The following ARHGEF10L variants were observed in gnomAD, a reference collection of about 807,000 sequenced individuals.
ARHGEF10L encodes the protein Rho guanine nucleotide exchange factor 10 like.
A neutral mutation model predicts 141.2 loss-of-function variants in ARHGEF10L; 69 were observed. The ratio of observed to expected loss-of-function variants is 0.49; its 90% CI spans 0.40 to 0.60. ARHGEF10L has a LOEUF of 0.60. Ranked by LOEUF, ARHGEF10L falls within the 20% of genes least tolerant of loss-of-function variation. The pLI, the probability that ARHGEF10L is intolerant of heterozygous loss-of-function variation, is 0.00. For synonymous variants in ARHGEF10L, 711 were observed against 718.5 expected, an observed-to-expected ratio of 0.99 and a Z score of 0.17; for missense variants, 1,482 against 1,734.3, an observed-to-expected ratio of 0.85 and a Z score of 2.58.
In ARHGEF10L at chr1:17,619,424, A is replaced by C. The variant is rs1266012594; in HGVS notation, c.921A>C (p.Pro307=). ...CAGCCCCAGAGCTGGGCCCCATGCC[A>C]GAGGGCCTGAGCCCTCAGCAGGTCT... ...KPPAPELGPM[P]EGLSPQQVVR... Residue 307 remains proline, a synonymous_variant, in exon 10 of 29, where the codon CCA becomes CCC. Coordinates refer to ENST00000361221, the MANE Select transcript of ARHGEF10L (RefSeq NM_018125.4). This position sits in a 1 kb window ranked among gnomAD's most constrained non-coding sequence, Gnocchi z 5.0. 6.2e-7 allele frequency: 1 copy of C among 1,602,454 alleles called. No homozygotes were observed. The highest frequency in any genetic ancestry group is 1.7e-5 in the Admixed American group (1 of 59,358).
rs1447225078 is a variant in ARHGEF10L, at chr1:17,588,448, C to T, written c.226C>T (p.Pro76Ser). The change falls in exon 4 of 29, where the codon CCA becomes TCA. Residue 76 changes from proline to serine, a missense_variant and splice_region_variant. Pro to Ser is a moderately conservative substitution (Grantham distance 74, BLOSUM62 -1). This residue lies in a region of ARHGEF10L where 232 missense variants were observed against 225.9 expected (regional missense o/e 1.03). Coordinates refer to ENST00000361221, the MANE Select transcript of ARHGEF10L (RefSeq NM_018125.4). ...CTCTGTCTGCTCTTCTTTTGCAGAC[C>T]CAGACCCAGCAGCTGCTCCACCCGG... ...IHLDSIPVTD[P>S]DPAAAPPGTG... 1.9e-6 allele frequency: 3 copies of T among 1,613,782 alleles called. No individual in the cohort carries two copies. In the Admixed American group the frequency reaches 5.0e-5, roughly 27 times the overall value.
At chr1:17,620,205 CA>C (rs71575849) in intron 10 of ARHGEF10L, among the ~76,000 whole-genome samples, 250 of 117,434 alleles carry the variant, frequency 2.1e-3, no homozygotes, top group South Asian at 0.018. Flanking sequence ...GACTCTGTCT[CA>C]AAAAAAAAAA....
rs891231446 is a variant in ARHGEF10L, at chr1:17,558,876, G to A, written c.-44+18926G>A. Among the ~76,000 whole-genome samples the A allele has an allele frequency of 2.0e-5, 3 of 152,214 alleles. No individual in the cohort carries two copies. Among genetic ancestry groups the A allele is most frequent in the Non-Finnish European group, 4.4e-5 (3 of 68,038 alleles). ...CCACAGGCTCCCTGGGCTGGGCAGG[G>A]AGAATGGTGGGGAGGGCTGAGGGGC... On this transcript the variant is annotated intron_variant, in intron 1 of 28. Coordinates refer to ENST00000361221, the MANE Select transcript of ARHGEF10L (RefSeq NM_018125.4). This position sits in a 1 kb window ranked among gnomAD's most constrained non-coding sequence, Gnocchi z 4.2.
chr1:17,572,526 A>G (rs914706285), intron 1 of ARHGEF10L, among the ~76,000 whole-genome samples: 2 of 152,074 alleles, frequency 1.3e-5, no homozygotes, highest in African/African-American at 4.8e-5. Context: ...TTACTTACAA[A>G]GCTAAGTGAG....
chr1:17,670,400 G>A (rs905884336), intron 26 of ARHGEF10L, among the ~76,000 whole-genome samples: 8 of 152,254 alleles, frequency 5.3e-5, no homozygotes, highest in African/African-American at 1.7e-4. Context: ...TCAACACCGC[G>A]TCCTCCGCGT....
intron 27 of ARHGEF10L, 148 bp downstream of exon 27, chr1:17,687,895 G>A (rs1569743299): frequency 2.2e-6 from 2 of 913,060 alleles, no homozygotes; most frequent in Non-Finnish European, 3.2e-6. Flanking sequence ...AGGAAGTGGT[G>A]GGGTTGGGAT....
At chr1:17,589,962 A>T (rs1018006142) in intron 4 of ARHGEF10L, among the ~76,000 whole-genome samples, 1 of 151,992 alleles carries the variant, frequency 6.6e-6, no homozygotes, top group Non-Finnish European at 1.5e-5. Context: ...TCCATTCAGG[A>T]TGGCAGAGGG....
At chr1:17,535,283 T>C (rs1343570128), upstream of ARHGEF10L, among the ~76,000 whole-genome samples, 1 of 152,160 alleles carries the variant, frequency 6.6e-6, no homozygotes, top group African/African-American at 2.4e-5. Context: ...GCTGATCTGA[T>C]AGGAAGCAGA....
intron 1 of ARHGEF10L, among the ~76,000 whole-genome samples, chr1:17,574,734 G>C (rs114929345): frequency 1.2e-4 from 19 of 152,120 alleles, no homozygotes; most frequent in African/African-American, 3.9e-4. Flanking sequence ...TCCCCATCCC[G>C]GACTCTCCAC....
At chr1:17,527,537 C>G in the ARHGEF10L span, among the ~76,000 whole-genome samples, 2 of 152,178 alleles carry the variant, frequency 1.3e-5, no homozygotes, top group East Asian at 3.9e-4. Context: ...ACCCCTCACC[C>G]GGAGCCGATC....
chr1:17,526,239 G>T, the ARHGEF10L span, among the ~76,000 whole-genome samples: 1 of 152,162 alleles, frequency 6.6e-6, no homozygotes, highest in Non-Finnish European at 1.5e-5. Flanking sequence ...TGCAGGGGAG[G>T]TTCTTATTGC....
At chr1:17,575,049 A>G (rs1437014074) in intron 1 of ARHGEF10L, among the ~76,000 whole-genome samples, 3 of 152,128 alleles carry the variant, frequency 2.0e-5, no homozygotes, top group African/African-American at 4.8e-5. Context: ...CTTTGGTTCC[A>G]TGCTGGGTGG....
intron 27 of ARHGEF10L, among the ~76,000 whole-genome samples, chr1:17,690,820 G>C (rs922911196): frequency 6.6e-6 from 1 of 152,206 alleles, no homozygotes; most frequent in Non-Finnish European, 1.5e-5. Flanking sequence ...ACCAGAGCGT[G>C]GGGGGCAGCT....
Position 17,539,841 on chromosome 1 carries a change from T to C in ARHGEF10L, c.-153T>C, listed in dbSNP as rs1357851111. On this transcript the variant is annotated 5_prime_UTR_variant, in exon 1 of 29. Transcript: ENST00000361221. This position sits in a 1 kb window ranked among gnomAD's most constrained non-coding sequence, Gnocchi z 6.0. ...GGCGGCTGCGGCGGTGGGGGCGCCG[T>C]CCCGGCCATGGGCGCCCGCGGCGGC... The C allele has an allele frequency of 6.8e-6, 1 of 146,170 alleles. No homozygotes were observed. The highest frequency in any genetic ancestry group is 1.5e-5 in the Non-Finnish European group (1 of 65,792). The allele number at this position is 146,170 out of a possible 1,614,324, so 9.1% of individuals were successfully genotyped here.
chr1:17,605,518 C>G (rs999696489), intron 6 of ARHGEF10L, among the ~76,000 whole-genome samples: 2 of 152,212 alleles, frequency 1.3e-5, no homozygotes, highest in African/African-American at 4.8e-5. Flanking sequence ...AGTTCTGTGA[C>G]TCTGTCTCCA....
intron 9 of ARHGEF10L, chr1:17,618,232 G>C: frequency 8.0e-7 from 1 of 1,250,312 alleles, no homozygotes; most frequent in South Asian, 1.7e-5. Context: ...CCCAACCCCA[G>C]GCTGGCTAGG....
Position 17,656,165 on chromosome 1 carries a change from G to C in ARHGEF10L, c.2705+63G>C, listed in dbSNP as rs930873530. Reference sequence around the variant, plus strand: ...CAGGGCTGGGCAGTGGGTGGGGGCTGTCCCTGTAGCCTTCCGGATCTGCCT... The same window carrying C: ...CAGGGCTGGGCAGTGGGTGGGGGCTCTCCCTGTAGCCTTCCGGATCTGCCT... On this transcript the variant is annotated intron_variant, in intron 24 of 28. Coordinates refer to ENST00000361221, the MANE Select transcript of ARHGEF10L (RefSeq NM_018125.4). The surrounding 1 kb of genome is among the most constrained non-coding windows in gnomAD (Gnocchi z 4.9). 6.6e-7 allele frequency: 1 copy of C among 1,504,094 alleles called. No individual in the cohort carries two copies. The allele number at this position is 1,504,094 out of a possible 1,614,324, so 93.2% of individuals were successfully genotyped here.
intron 21 of ARHGEF10L, among the ~76,000 whole-genome samples, chr1:17,647,156 C>T (rs576866869): frequency 5.9e-5 from 9 of 152,262 alleles, no homozygotes; most frequent in Admixed American, 2.0e-4. Context: ...CATCAGCGGG[C>T]GCGGTTGCTG....
rs190830887 is a variant in ARHGEF10L, at chr1:17,578,102, C to T, written c.-43-2451C>T. ...TTTAAGGAGCAATTTGGACAGGAGGCTGGGCAAAGTGCCTCCCTTTTTCCT... is the reference window on the plus strand; with the variant it reads ...TTTAAGGAGCAATTTGGACAGGAGGTTGGGCAAAGTGCCTCCCTTTTTCCT... On this transcript the variant is annotated intron_variant, in intron 1 of 28. Coordinates refer to ENST00000361221, the MANE Select transcript of ARHGEF10L (RefSeq NM_018125.4). Among the ~76,000 whole-genome samples the T allele has an allele frequency of 3.9e-5, 6 of 152,276 alleles. No homozygotes were observed. In the East Asian group the frequency reaches 1.2e-3, roughly 29 times the overall value.
Sources: gnomAD v4.1 joint callset for allele counts (sites outside exome capture counted in the v4.1 genomes callset) on GRCh38, gnomAD v4.1.1 for gene constraint, gnomAD v4.1.1 regional missense constraint, Gnocchi (gnomAD v3.1) non-coding constraint, MANE v1.5 for transcripts, NCBI Gene and HGNC (gene_info 2026-07-23, HGNC 2026-07-21) for gene names.